The following SIPA1L1 variants were observed in gnomAD, a reference collection of about 807,000 sequenced individuals.
The protein encoded by SIPA1L1 is signal induced proliferation associated 1 like 1.
Under a neutral mutation model 162.7 loss-of-function variants are expected in SIPA1L1, and 26 were observed. The ratio of observed to expected loss-of-function variants is 0.16; its 90% CI spans 0.12 to 0.22. The LOEUF is 0.22. Ranked by LOEUF, SIPA1L1 falls within the 10% of genes least tolerant of loss-of-function variation. The probability of loss-of-function intolerance (pLI) is 1.00; values close to 1 mark genes in which losing one functional copy is unlikely to be tolerated. For synonymous variants in SIPA1L1, 829 were observed against 837.4 expected (o/e 0.99, Z 0.17); for missense variants, 1,874 against 2,241.0 (o/e 0.84, Z 3.31).
At chr14:71,355,460 G>A (rs1318405850) in intron 2 of SIPA1L1, among the ~76,000 whole-genome samples, 2 of 152,178 alleles carry the variant, frequency 1.3e-5, no homozygotes, top group African/African-American at 2.4e-5. Flanking sequence ...GCCTTGGCAC[G>A]AAGTACTGAT....
chr14:71,538,898 TTTG>T (rs1180378389), intron 4 of SIPA1L1, among the ~76,000 whole-genome samples: 1 of 152,198 alleles, frequency 6.6e-6, no homozygotes, highest in Non-Finnish European at 1.5e-5. Context: ...CAGACTGTTT[TTTG>T]TTTGTTTGTT....
chr14:71,367,082 AC>A (rs1024400097), intron 2 of SIPA1L1, among the ~76,000 whole-genome samples: 1 of 152,106 alleles, frequency 6.6e-6, no homozygotes, highest in Non-Finnish European at 1.5e-5. Context: ...TATGTGACAT[AC>A]ATTTTTTTGG....
At chr14:71,525,528 C>G (rs1182619467) in intron 3 of SIPA1L1, among the ~76,000 whole-genome samples, 1 of 152,208 alleles carries the variant, frequency 6.6e-6, no homozygotes, top group African/African-American at 2.4e-5. Flanking sequence ...TTCTTTATTT[C>G]TTCTCTTTTC....
At chr14:71,420,126 A>G (rs1436458056) in intron 2 of SIPA1L1, among the ~76,000 whole-genome samples, 1 of 152,224 alleles carries the variant, frequency 6.6e-6, no homozygotes, top group African/African-American at 2.4e-5. Flanking sequence ...AAGTTAATTA[A>G]GCAAATAATT....
intron 12 of SIPA1L1, among the ~76,000 whole-genome samples, chr14:71,676,927 A>C (rs1439078048): frequency 6.6e-6 from 1 of 152,154 alleles, no homozygotes; most frequent in Non-Finnish European, 1.5e-5. Context: ...ATAGTGCCGC[A>C]ATAAACATAT....
chr14:71,622,917 T>C (rs548399269), intron 6 of SIPA1L1, among the ~76,000 whole-genome samples: 1 of 152,338 alleles, frequency 6.6e-6, no homozygotes, highest in Non-Finnish European at 1.5e-5. Flanking sequence ...GTACTCTCCT[T>C]GTGTCCATCT....
intron 4 of SIPA1L1, among the ~76,000 whole-genome samples, chr14:71,544,108 T>C (rs958280621): frequency 6.6e-5 from 10 of 151,688 alleles, no homozygotes; most frequent in African/African-American, 2.4e-5. Flanking sequence ...CACATGTATG[T>C]ATATACACAT....
At chr14:71,412,234 T>G (rs2042457150) in intron 2 of SIPA1L1, among the ~76,000 whole-genome samples, 1 of 152,208 alleles carries the variant, frequency 6.6e-6, no homozygotes, top group African/African-American at 2.4e-5. Context: ...GAGCCACATG[T>G]GGCACAGGAT....
Position 71,687,528 on chromosome 14 carries a change from T to A in SIPA1L1, c.3374+1897T>A, listed in dbSNP as rs918529238. Among the ~76,000 whole-genome samples the A allele has an allele frequency of 5.9e-4, 90 of 152,354 alleles. 1 individual carries two copies. Among genetic ancestry groups the A allele is most frequent in the African/African-American group, 2.1e-3 (88 of 41,584 alleles). On this transcript the variant is annotated intron_variant, in intron 13 of 23. Transcript: ENST00000381232. Reference sequence around the variant, plus strand: ...TTGTGTAATTTCCTTTATACAATATTCCATTTGAGAATGTATTTTGATTCC... The same window carrying A: ...TTGTGTAATTTCCTTTATACAATATACCATTTGAGAATGTATTTTGATTCC...
At chr14:71,489,230 A>G (rs1409877867) in intron 2 of SIPA1L1, among the ~76,000 whole-genome samples, 2 of 152,146 alleles carry the variant, frequency 1.3e-5, no homozygotes, top group African/African-American at 2.4e-5. Flanking sequence ...TAGGGATCTG[A>G]TAGGCTATCT....
In SIPA1L1 at chr14:71,329,420, GT is replaced by G. The variant is rs34647020; in HGVS notation, c.-465+8252del. On this transcript the variant is annotated intron_variant, in intron 2 of 23. Coordinates refer to ENST00000381232, the MANE Select transcript of SIPA1L1 (RefSeq NM_001386936.1). ...ACATCCTTACCAATACTTATTTTCT[GT>G]TTTTTTTTTTTTCAAATTAATTAAT... is the stretch of plus-strand genomic sequence containing the variant. Among the ~76,000 whole-genome samples the G allele has an allele frequency of 7.5e-3, 1,009 of 135,194 alleles. 10 individuals carry two copies. The highest frequency in any genetic ancestry group is 0.022 in the African/African-American group (809 of 36,212). 88.7% of individuals were successfully genotyped at this position (135,194 alleles called of 152,430 possible). A position where few individuals can be genotyped will look rare whatever the true frequency, so the allele number is the denominator to read the frequency against.
intron 4 of SIPA1L1, among the ~76,000 whole-genome samples, chr14:71,553,650 G>A (rs1188022430): frequency 6.6e-6 from 1 of 152,214 alleles, no homozygotes; most frequent in Admixed American, 6.5e-5. Flanking sequence ...AATATACCAG[G>A]AATGTGTAGG....
intron 17 of SIPA1L1, among the ~76,000 whole-genome samples, chr14:71,723,136 A>G (rs1009998665): frequency 6.6e-6 from 1 of 152,264 alleles, no homozygotes; most frequent in African/African-American, 2.4e-5. Context: ...TAGGAATGCC[A>G]GCTGCCATGG....
rs117125660 is a variant in SIPA1L1 at position 71,380,165 on chromosome 14, A to G, written c.-465+58984A>G. 6.8e-3 allele frequency among the ~76,000 whole-genome samples: 1,034 copies of G among 152,332 alleles called. 7 individuals are homozygous for G. The highest frequency in any genetic ancestry group is 0.012 in the Non-Finnish European group (802 of 68,036). ...TAAGGTAATAGAAAAGGGTTTAAAAACATACCTAATGTGTGTAAAATTGTG... is the reference window on the plus strand; with the variant it reads ...TAAGGTAATAGAAAAGGGTTTAAAAGCATACCTAATGTGTGTAAAATTGTG... On this transcript the variant is annotated intron_variant, in intron 2 of 23. Transcript: ENST00000381232.
chr14:71,687,056 T>A (rs2080922034), intron 13 of SIPA1L1, among the ~76,000 whole-genome samples: 1 of 152,234 alleles, frequency 6.6e-6, no homozygotes, highest in South Asian at 2.1e-4. Flanking sequence ...CATAAAACAT[T>A]GTCACTTAAC....
At chr14:71,373,745 A>G (rs1166513647) in intron 2 of SIPA1L1, among the ~76,000 whole-genome samples, 1 of 151,446 alleles carries the variant, frequency 6.6e-6, no homozygotes, top group African/African-American at 2.4e-5. Context: ...TTCCTTCCTG[A>G]TACCTTTGTG....
chr14:71,524,026 G>T (rs919368890), intron 3 of SIPA1L1, among the ~76,000 whole-genome samples: 5 of 152,128 alleles, frequency 3.3e-5, no homozygotes, highest in Non-Finnish European at 5.9e-5. Context: ...CCACCGTCTG[G>T]GTGCTAATTG....
intron 18 of SIPA1L1, 86 bp from the exon 19 acceptor site, chr14:71,724,584 A>G (rs2084052211): frequency 9.6e-7 from 1 of 1,042,248 alleles, no homozygotes; most frequent in Non-Finnish European, 1.4e-6. Flanking sequence ...ATTGACTTAT[A>G]TTGACTTACA....
At chr14:71,510,249 C>T (rs983009735) in intron 2 of SIPA1L1, among the ~76,000 whole-genome samples, 5 of 137,620 alleles carry the variant, frequency 3.6e-5, no homozygotes, top group African/African-American at 5.5e-5. Context: ...TGCAGTGGCA[C>T]GATCTTGGCT....
Sources: allele counts gnomAD v4.1 joint callset (sites outside exome capture counted in the v4.1 genomes callset), GRCh38; gene constraint gnomAD v4.1.1; transcripts MANE v1.5; gene names NCBI Gene and HGNC (gene_info 2026-07-23, HGNC 2026-07-21).